Variants in DOCK2 observed in about 807,000 individuals in gnomAD.
The protein encoded by DOCK2 is dedicator of cytokinesis 2.
DOCK2 carries 87 observed loss-of-function variants against 248.9 expected under a neutral mutation model. That is an observed-to-expected ratio of 0.35 (90% CI 0.29 to 0.42). The LOEUF is 0.42. Ranked by LOEUF, DOCK2 falls within the 10% of genes least tolerant of loss-of-function variation. The pLI is 1.00. For synonymous variants in DOCK2, 805 were observed against 821.6 expected, an observed-to-expected ratio of 0.98 and a Z score of 0.35; for missense variants, 1,747 against 2,300.2, an observed-to-expected ratio of 0.76 and a Z score of 4.92.
Position 170,047,633 on chromosome 5 carries a change from T to G in DOCK2, c.4071+19T>G, listed in dbSNP as rs1756761059. The G allele has an allele frequency of 6.2e-7, 1 of 1,610,520 alleles. No individual in the cohort carries two copies. The highest frequency in any genetic ancestry group is 8.5e-7 in the Non-Finnish European group (1 of 1,177,284). On this transcript the variant is annotated intron_variant, in intron 40 of 51. Coordinates refer to ENST00000520908, the MANE Select transcript of DOCK2 (RefSeq NM_004946.3). The stretch of plus-strand genomic sequence containing the variant: ...CCTGCGGGTGAGTTTGGGGGTGACT[T>G]GGACACCAGGCGAGAGCCCCAGGGC...
chr5:169,909,046 C>T (rs547917254), intron 27 of DOCK2, among the ~76,000 whole-genome samples: 3 of 152,134 alleles, frequency 2.0e-5, no homozygotes, highest in Non-Finnish European at 2.9e-5. Flanking sequence ...TGAATGTGAG[C>T]GAGGCTGAGC....
chr5:169,805,625 G>A (rs943549187), intron 26 of DOCK2, among the ~76,000 whole-genome samples: 3 of 152,248 alleles, frequency 2.0e-5, no homozygotes, highest in Non-Finnish European at 2.9e-5. Flanking sequence ...GAAGTAGGAT[G>A]CTGAGGCTCT....
intron 26 of DOCK2, among the ~76,000 whole-genome samples, chr5:169,829,670 AAT>A (rs1769101812): frequency 6.6e-6 from 1 of 152,258 alleles, no homozygotes; most frequent in Non-Finnish European, 1.5e-5. Context: ...TCAAAATTGA[AAT>A]AATTGCTTAA....
intron 27 of DOCK2, among the ~76,000 whole-genome samples, chr5:169,865,223 G>A (rs762153843): frequency 6.6e-6 from 1 of 152,166 alleles, no homozygotes; most frequent in African/African-American, 2.4e-5. Context: ...GTGTTTTGGT[G>A]TCATTAACAT....
chr5:169,882,855 C>A (rs373092434), intron 27 of DOCK2: 14 of 1,550,888 alleles, frequency 9.0e-6, no homozygotes, highest in Middle Eastern at 3.3e-4. Context: ...GGGCAGATTT[C>A]GATGCACTGT....
Position 169,855,993 on chromosome 5 carries a change from G to A in DOCK2, c.2799+15141G>A, listed in dbSNP as rs147990004. Among the ~76,000 whole-genome samples, 215 of 152,260 alleles carry A rather than the reference G, an allele frequency of 1.4e-3. 1 individual carries two copies. The highest frequency in any genetic ancestry group is 2.7e-3 in the Non-Finnish European group (187 of 68,018). ...CAAGGACCTTCTTCACATGGCAGCA[G>A]GAGAGAGAGAGCAGTGAGGAGCGAA... On this transcript the variant is annotated intron_variant, in intron 27 of 51. Coordinates refer to ENST00000520908, the MANE Select transcript of DOCK2 (RefSeq NM_004946.3).
chr5:169,799,954 A>G (rs1020530017), intron 25 of DOCK2, among the ~76,000 whole-genome samples: 4 of 152,032 alleles, frequency 2.6e-5, no homozygotes, highest in Non-Finnish European at 5.9e-5. Flanking sequence ...ACAGGCATCC[A>G]TCACTATGCC....
At chr5:169,796,608 A>G (rs1384451380) in intron 25 of DOCK2, among the ~76,000 whole-genome samples, 4 of 152,180 alleles carry the variant, frequency 2.6e-5, no homozygotes, top group African/African-American at 9.7e-5. Flanking sequence ...ATAGACAATG[A>G]CCATATCGTG....
chr5:169,971,239 C>G (rs1186163972), intron 27 of DOCK2, among the ~76,000 whole-genome samples: 2 of 151,238 alleles, frequency 1.3e-5, no homozygotes, highest in African/African-American at 2.4e-5. Flanking sequence ...ACCAATGAAT[C>G]AATGAAGTAT....
intron 27 of DOCK2, among the ~76,000 whole-genome samples, chr5:169,935,113 T>C (rs982474041): frequency 6.6e-6 from 1 of 152,108 alleles, no homozygotes; most frequent in Non-Finnish European, 1.5e-5. Flanking sequence ...CGTGGCAAGA[T>C]TTGGATAGAA....
chr5:169,934,863 C>G (rs895383714), intron 27 of DOCK2: 8 of 372,146 alleles, frequency 2.1e-5, no homozygotes, highest in East Asian at 7.4e-5. Flanking sequence ...TTATACATTG[C>G]CAAAACAACT....
At chr5:169,737,901 G>A (rs1308238320) in intron 22 of DOCK2, among the ~76,000 whole-genome samples, 2 of 152,194 alleles carry the variant, frequency 1.3e-5, no homozygotes, top group Admixed American at 6.5e-5. Context: ...AATCAAACCC[G>A]AGGAGGGAGT....
At chr5:169,844,182 AGCATTC>A (rs909523875) in intron 27 of DOCK2, among the ~76,000 whole-genome samples, 2 of 152,226 alleles carry the variant, frequency 1.3e-5, no homozygotes, top group African/African-American at 4.8e-5. Flanking sequence ...TATTTTTAAA[AGCATTC>A]CCTGAAACTA....
rs930599823 is a variant in DOCK2 at position 170,014,640 on chromosome 5, G to C, written c.3233-4320G>C. ...GTTTACTTGCAGAGACATGTGTTGGGGGGGGTAGACTATGGAGGGGGGGTC... is the reference window on the plus strand; with the variant it reads ...GTTTACTTGCAGAGACATGTGTTGGCGGGGGTAGACTATGGAGGGGGGGTC... On this transcript the variant is annotated intron_variant, in intron 32 of 51. Coordinates refer to ENST00000520908, the MANE Select transcript of DOCK2 (RefSeq NM_004946.3). 9.9e-5 allele frequency among the ~76,000 whole-genome samples: 13 copies of C among 131,650 alleles called. No individual in the cohort carries two copies. In the South Asian group the frequency reaches 1.2e-3, roughly 12 times the overall value. 86.4% of individuals were successfully genotyped at this position (131,650 alleles called of 152,430 possible).
At position 170,055,320 on chromosome 5, in the gene DOCK2, C is replaced by G; in HGVS notation, c.4229C>G (p.Thr1410Ser). ...GGGATTCCAGATATCCAGTGCTTCA[C>G]TGTCCAGCCTGTCTTGGATGAACAT... ...NAPGQYIQCFTVQPVLDEHPR... is the reference protein window; with the variant it reads ...NAPGQYIQCFSVQPVLDEHPR... The change falls in exon 42 of 52, where the codon ACT (threonine) becomes AGT (serine). Residue 1410 changes from threonine (T) to serine (S), a missense_variant. By Grantham distance (58) the Thr-to-Ser change is moderately conservative. Transcript: ENST00000520908. 1.2e-6 allele frequency: 2 copies of G among 1,614,096 alleles called. No individual in the cohort carries two copies. Among genetic ancestry groups the G allele is most frequent in the Non-Finnish European group, 1.7e-6 (2 of 1,179,912 alleles).
chr5:169,914,318 C>A (rs1409007558), intron 27 of DOCK2, among the ~76,000 whole-genome samples: 2 of 152,220 alleles, frequency 1.3e-5, no homozygotes, highest in Non-Finnish European at 2.9e-5. Context: ...TATAGATATT[C>A]TCTTCCTAAA....
chr5:169,921,452 C>G (rs1309727882), intron 27 of DOCK2, among the ~76,000 whole-genome samples: 1 of 152,152 alleles, frequency 6.6e-6, no homozygotes, highest in Admixed American at 6.5e-5. Flanking sequence ...AGACTGTAAT[C>G]AAGCCAAATT....
At chr5:169,991,232 C>T (rs1039764094) in intron 29 of DOCK2, among the ~76,000 whole-genome samples, 3 of 152,190 alleles carry the variant, frequency 2.0e-5, no homozygotes, top group Admixed American at 6.5e-5. Flanking sequence ...GGCTTATTCT[C>T]GGCTGCCTCC....
At chr5:169,738,853 CA>C (rs1169131299) in intron 22 of DOCK2, among the ~76,000 whole-genome samples, 1 of 152,138 alleles carries the variant, frequency 6.6e-6, no homozygotes, top group Non-Finnish European at 1.5e-5. Flanking sequence ...GTTTAGAATT[CA>C]CTCAGTCCTG....
Sources: gnomAD v4.1 joint callset for allele counts (sites outside exome capture counted in the v4.1 genomes callset) on GRCh38, gnomAD v4.1.1 for gene constraint, MANE v1.5 for transcripts, NCBI Gene and HGNC (gene_info 2026-07-23, HGNC 2026-07-21) for gene names.